Variants in GRIPAP1 observed in about 807,000 individuals in gnomAD.
GRIPAP1 encodes the protein GRIP1-associated protein 1.
A neutral mutation model predicts 84.1 loss-of-function variants in GRIPAP1; 14 were observed. The ratio of observed to expected loss-of-function variants is 0.17; its 90% CI spans 0.11 to 0.26. The LOEUF (loss-of-function observed/expected upper bound fraction) is 0.26, where lower values mean the gene tolerates loss of function less well. Ranked by LOEUF, GRIPAP1 falls within the 10% of genes least tolerant of loss-of-function variation. The probability of loss-of-function intolerance (pLI) is 1.00; values close to 1 mark genes in which losing one functional copy is unlikely to be tolerated. For missense variants in GRIPAP1, 518 were observed against 674.2 expected (o/e 0.77, Z 2.57); for synonymous variants, 261 against 256.8 (o/e 1.02, Z -0.15).
chrX:48,992,299 C>A (rs1218479540), intron 6 of GRIPAP1, among the ~76,000 whole-genome samples: 1 of 112,620 alleles, frequency 8.9e-6, no homozygotes, highest in Non-Finnish European at 1.9e-5. Flanking sequence ...AAACACCGTG[C>A]CTGGCCTAAT....
At chrX:48,993,687 G>T in intron 5 of GRIPAP1, 109 bp from the exon 6 acceptor site, 1 of 569,780 alleles carries the variant, frequency 1.8e-6, no homozygotes. Context: ...TTCCCATAAT[G>T]ACCCTATGAT....
chrX:48,988,152 T>C lies in GRIPAP1; in HGVS notation c.917A>G (p.His306Arg), dbSNP rs1557064465. 8 of 1,201,226 alleles carry C rather than the reference T, an allele frequency of 6.7e-6. No individual in the cohort carries two copies. The highest frequency in any genetic ancestry group is 9.0e-6 in the Non-Finnish European group (8 of 890,404). ...RDQRQGERLE[H>R]AAALRALQDQ... ...TTGTAGGGCCCGCAAAGCTGCTGCA[T>C]GTTCCAGGCGCTCCCCCTGCCGCTG... The change falls in exon 12 of 26, where the codon CAT (histidine) becomes CGT (arginine). Residue 306 changes from histidine to arginine, a missense_variant. By Grantham distance (29) the His-to-Arg change is conservative. Around this residue, in one of 5 missense-constraint regions of GRIPAP1, gnomAD observed 372 missense variants for 458.1 expected, o/e 0.81. Coordinates refer to ENST00000376423, the MANE Select transcript of GRIPAP1 (RefSeq NM_020137.5).
Position 48,976,061 on chromosome X carries a change from C to T in GRIPAP1, c.2235G>A (p.Arg745=). 1 of 1,211,326 alleles carries T rather than the reference C, an allele frequency of 8.3e-7. No individual in the cohort carries two copies. The highest frequency in any genetic ancestry group is 1.7e-5 in the African/African-American group (1 of 57,794). ...CGTAGGTCTCAATGATGGCGCTCTT[C>T]CGGCAGAGGTCCTCTGCCATGGAAG... ...SSASMAEDLC[R]KSAIIETYVM... The change falls in exon 24 of 26, where the codon CGG becomes CGA. Residue 745 remains arginine, a synonymous_variant. Transcript: ENST00000376423.
intron 13 of GRIPAP1, among the ~76,000 whole-genome samples, chrX:48,985,947 C>G (rs1250377159): frequency 2.7e-5 from 3 of 110,785 alleles, no homozygotes; most frequent in African/African-American, 6.6e-5. Context: ...AAACTAGAAA[C>G]AAAGAAAAGC....
At chrX:48,985,219 GC>G in intron 14 of GRIPAP1, 48 bp downstream of exon 14, 1 of 1,135,491 alleles carries the variant, frequency 8.8e-7, no homozygotes. Flanking sequence ...ACTTCACTGG[GC>G]CATTACTAGG....
In GRIPAP1 at chrX:48,983,010, C is replaced by T. The variant is rs1557062637; in HGVS notation, c.1568G>A (p.Gly523Asp). 1 of 1,206,626 alleles carries T rather than the reference C, an allele frequency of 8.3e-7. No individual in the cohort carries two copies. Among genetic ancestry groups the T allele is most frequent in the Admixed American group, 2.2e-5 (1 of 46,106 alleles). The change falls in exon 17 of 26, where the codon GGC (glycine) becomes GAC (aspartate). Residue 523 changes from glycine (G) to aspartate (D), a missense_variant. This residue lies in a region of GRIPAP1 where 372 missense variants were observed against 458.1 expected (regional missense o/e 0.81). Transcript: ENST00000376423. Reference sequence around the variant, plus strand: ...TTCCTTCAAGCGCCGTTCAAACCAGCCCTTGGCTCCATCCATGGAATGTAC... The same window carrying T: ...TTCCTTCAAGCGCCGTTCAAACCAGTCCTTGGCTCCATCCATGGAATGTAC... Reference protein sequence around the residue: ...AQVHSMDGAKGWFERRLKEAE... With the variant: ...AQVHSMDGAKDWFERRLKEAE...
At position 48,999,502 on chromosome X, in the gene GRIPAP1, A is replaced by G. The variant is rs782082794; in HGVS notation, c.45T>C (p.Ala15=). Residue 15 remains alanine (A), a splice_region_variant and synonymous_variant, in exon 2 of 26, where the codon GCT becomes GCC. Coordinates refer to ENST00000376423, the MANE Select transcript of GRIPAP1 (RefSeq NM_020137.5). The part of the protein sequence containing the change: ...LSEEEFQRMQ[A]QLLELRTNNY... ...TGTTTGTCCGGAGTTCCAGGAGCTG[A>G]GCCTTTGGGGGAGGCAGGAAGGGAA... 5.9e-6 allele frequency: 7 copies of G among 1,195,628 alleles called. No homozygotes were observed. In the African/African-American group the frequency reaches 7.1e-5, roughly 12 times the overall value.
At chrX:48,984,324 G>A (rs1192589406) in intron 14 of GRIPAP1, among the ~76,000 whole-genome samples, 1 of 111,294 alleles carries the variant, frequency 9.0e-6, no homozygotes, top group Non-Finnish European at 1.9e-5. Flanking sequence ...GAACAGCAAT[G>A]GAGAAAGAAC....
chrX:48,980,551 G>A (rs2064449999), intron 21 of GRIPAP1, among the ~76,000 whole-genome samples: 2 of 110,832 alleles, frequency 1.8e-5, no homozygotes, highest in African/African-American at 6.6e-5. Flanking sequence ...GAGACGAAGA[G>A]GACACAGAGT....
intron 1 of GRIPAP1, chrX:49,000,756 G>C (rs1238221270): frequency 5.5e-5 from 6 of 110,011 alleles, no homozygotes; most frequent in Non-Finnish European, 1.1e-4. Context: ...AGGACCCTGA[G>C]GCTGGTTCTA....
intron 1 of GRIPAP1, among the ~76,000 whole-genome samples, chrX:49,000,359 T>A (rs1557068177): frequency 2.1e-5 from 1 of 46,622 alleles, no homozygotes. Context: ...AGTGAGACTC[T>A]GTCTCAAAAA....
At chrX:48,999,398 C>A in intron 2 of GRIPAP1, 40 bp downstream of exon 2, 2 of 1,139,066 alleles carry the variant, frequency 1.8e-6, no homozygotes, top group Non-Finnish European at 2.4e-6. Flanking sequence ...GACACCATTC[C>A]CCAAAGCCAC....
In GRIPAP1 at chrX:48,978,348, C is replaced by T. The variant is rs953633302; in HGVS notation, c.2018G>A (p.Arg673Gln). 9.9e-6 allele frequency: 12 copies of T among 1,208,970 alleles called. No individual in the cohort carries two copies. The highest frequency in any genetic ancestry group is 1.3e-5 in the Non-Finnish European group (12 of 893,895). The change falls in exon 22 of 26, where the codon CGG (arginine) becomes CAG (glutamine). Residue 673 changes from arginine to glutamine, a missense_variant. Arg to Gln is a conservative substitution (Grantham distance 43). Coordinates refer to ENST00000376423, the MANE Select transcript of GRIPAP1 (RefSeq NM_020137.5). The stretch of plus-strand genomic sequence containing the variant: ...GCTCTCCTTTTCCCGCAAGATCTCC[C>T]GGTAGCTGAAGGAGGAGATGCTACT... ...DSSSISSFSYREILREKESSA... is the reference protein window; with the variant it reads ...DSSSISSFSYQEILREKESSA...
intron 14 of GRIPAP1, among the ~76,000 whole-genome samples, chrX:48,984,220 C>T (rs782398299): frequency 7.5e-4 from 83 of 110,803 alleles, no homozygotes; most frequent in African/African-American, 1.8e-3. Context: ...TGCCCCTTTC[C>T]TCCTTCCTTC....
chrX:48,984,133 T>A (rs2064473135), intron 14 of GRIPAP1, among the ~76,000 whole-genome samples: 1 of 111,772 alleles, frequency 8.9e-6, no homozygotes, highest in Non-Finnish European at 1.9e-5. Flanking sequence ...GGTGTGGCCA[T>A]GTGATTTATT....
rs782012896 is a variant in GRIPAP1, at chrX:48,999,411, C to T, written c.109+27G>A. 214 of 1,154,824 alleles carry T rather than the reference C, an allele frequency of 1.9e-4. No homozygotes were observed. In the South Asian group the frequency reaches 3.6e-3, roughly 19 times the overall value. ...CGGACACCATTCCCCAAAGCCACCC[C>T]CATCTAATAAGGCCCTCCTGGCTCA... is the stretch of plus-strand genomic sequence containing the variant. On this transcript the variant is annotated intron_variant, in intron 2 of 25. Transcript: ENST00000376423.
chrX:48,981,639 T>G lies in GRIPAP1; in HGVS notation c.1730A>C (p.Glu577Ala), dbSNP rs782465657. The change falls in exon 19 of 26, where the codon GAG becomes GCG. Residue 577 changes from glutamate to alanine, a missense_variant. This residue lies in a region of GRIPAP1 where 372 missense variants were observed against 458.1 expected (regional missense o/e 0.81). Transcript: ENST00000376423. ...DVRDQLEQAQ[E>A]ERDCHLKTIS... is the part of the protein sequence containing the mutation. ...GGTCTTCAGGTGGCAGTCCCGCTCC[T>G]CCTGGGCCTGCTCGAGCTGATCCCG... 2.5e-6 allele frequency: 3 copies of G among 1,207,835 alleles called. No homozygotes were observed. The highest frequency in any genetic ancestry group is 2.2e-5 in the Admixed American group (1 of 45,839).
intron 21 of GRIPAP1, 59 bp downstream of exon 21, chrX:48,981,156 C>T: frequency 6.5e-6 from 6 of 918,577 alleles, no homozygotes; most frequent in Non-Finnish European, 9.3e-6. Context: ...CTGCAGCCTG[C>T]AGGCCCAGGC....
intron 21 of GRIPAP1, chrX:48,980,843 A>G (rs1280981641): frequency 1.5e-5 from 3 of 198,635 alleles, no homozygotes; most frequent in African/African-American, 9.4e-5. Context: ...AGATCACACC[A>G]TTGCACTCCA....
Sources: gnomAD v4.1 joint callset for allele counts (sites outside exome capture counted in the v4.1 genomes callset) on GRCh38, gnomAD v4.1.1 for gene constraint, gnomAD v4.1.1 regional missense constraint, MANE v1.5 for transcripts, NCBI Gene and HGNC (gene_info 2026-07-23, HGNC 2026-07-21) for gene names.